DDX41: variants seen among roughly 807,000 people sequenced by gnomAD.
The protein encoded by DDX41 is probable ATP-dependent RNA helicase DDX41.
DDX41 carries 50 observed loss-of-function variants against 78.8 expected under a neutral mutation model. The observed-to-expected ratio is 0.63, with a 90% confidence interval of 0.51 to 0.80. DDX41 has a LOEUF of 0.80. Among genes scored for constraint, DDX41 ranks in the 30% least tolerant of loss-of-function variants. The pLI is 0.00. For missense variants in DDX41, 633 were observed against 849.2 expected, an observed-to-expected ratio of 0.75 and a Z score of 3.16; for synonymous variants, 381 against 321.5, an observed-to-expected ratio of 1.19 and a Z score of -1.98.
rs752570344 is a variant in DDX41 at position 177,514,784 on chromosome 5, C to T, written c.852G>A (p.Leu284=). The T allele has an allele frequency of 5.0e-6, 8 of 1,612,808 alleles. No individual in the cohort carries two copies. In the Admixed American group the frequency reaches 5.0e-5, roughly 10 times the overall value. Residue 284 remains leucine (L), a synonymous_variant, in exon 9 of 17, where the codon CTG becomes CTA. Transcript: ENST00000330503. This position sits in a 1 kb window ranked among gnomAD's most constrained non-coding sequence, Gnocchi z 4.2. ...GCAGGAGTGGTGAGCTGTCCTCCTG[C>T]AGCAGGCGGCAGTAGTACTCCAGGA... ...HGILEYYCRL[L]QEDSSPLLRC... is the part of the protein sequence containing the mutation.
chr5:177,512,127 A>G lies in DDX41; in HGVS notation c.1701T>C (p.His567=). The G allele has an allele frequency of 6.2e-7, 1 of 1,613,474 alleles. No homozygotes were observed. The highest frequency in any genetic ancestry group is 8.5e-7 in the Non-Finnish European group (1 of 1,180,020). Residue 567 remains histidine, a synonymous_variant, in exon 16 of 17, where the codon CAT becomes CAC. Transcript: ENST00000330503. ...QKVPPVLQVL[H]CGDESMLDIG... ...TGTCCAGCATGGACTCATCCCCGCA[A>G]TGCAGCACCTGCAGCACGGGCGGCA...
intron 15 of DDX41, 28 bp from the exon 16 acceptor site, chr5:177,512,234 G>A (rs1760992999): frequency 6.2e-7 from 1 of 1,613,596 alleles, no homozygotes; most frequent in Non-Finnish European, 8.5e-7. Context: ...AAGCATCAGG[G>A]CCCATCCTGG....
rs376093707 is a variant in DDX41, at chr5:177,515,002, G to A, written c.712C>T (p.Pro238Ser). The part of the protein sequence containing the change: ...GSGKTLVFTL[P>S]VIMFCLEQEK... The stretch of plus-strand genomic sequence containing the variant: ...TGTTCCAGGCAGAACATGATGACGG[G>A]CAACGTGAACACCAGTGTCTTGCCT... Residue 238 changes from proline (P) to serine (S), a missense_variant, in exon 8 of 17, where the codon CCC becomes TCC. By Grantham distance (74) the Pro-to-Ser change is moderately conservative. Coordinates refer to ENST00000330503, the MANE Select transcript of DDX41 (RefSeq NM_016222.4). 3.1e-6 allele frequency: 5 copies of A among 1,613,732 alleles called. No individual in the cohort carries two copies. The African/African-American group carries it at 4.0e-5, about 13-fold the overall frequency.
chr5:177,515,514 T>C (rs1761184880), intron 6 of DDX41, 171 bp downstream of exon 6: 5 of 943,466 alleles, frequency 5.3e-6, no homozygotes, highest in African/African-American at 3.3e-5. Flanking sequence ...CAGAGAACAA[T>C]GAACACGTAC....
chr5:177,514,594 A>G lies in DDX41; in HGVS notation c.935+107T>C, dbSNP rs1761134020. 8 of 1,452,104 alleles carry G rather than the reference A, an allele frequency of 5.5e-6. No homozygotes were observed. The East Asian group carries it at 1.8e-4, about 33-fold the overall frequency. 90.0% of individuals were successfully genotyped at this position (1,452,104 alleles called of 1,614,324 possible). On this transcript the variant is annotated intron_variant, in intron 9 of 16. Transcript: ENST00000330503. This position sits in a 1 kb window ranked among gnomAD's most constrained non-coding sequence, Gnocchi z 4.2. ...GGAGCTCCTTGAGGGTCGCACTCAC[A>G]GCAGCCCTCTGTGAAGATCTGTGGA...
In DDX41 at chr5:177,516,391, G is replaced by A; in HGVS notation, c.195C>T (p.Asp65=). 1 of 1,613,938 alleles carries A rather than the reference G, an allele frequency of 6.2e-7. No homozygotes were observed. Among genetic ancestry groups the A allele is most frequent in the Non-Finnish European group, 8.5e-7 (1 of 1,180,016 alleles). ...CATCTCCCCGGGGTTCACTACCGCT[G>A]TCCTGCTGCTCTTCCTCCGCAGCTC... ...RKGAAEEEQQ[D]SGSEPRGDED... Residue 65 remains aspartate (D), a synonymous_variant, in exon 3 of 17, where the codon GAC becomes GAT. Transcript: ENST00000330503.
rs761167470 is a variant in DDX41 at position 177,514,653 on chromosome 5, C to T, written c.935+48G>A. The stretch of plus-strand genomic sequence containing the variant: ...GGTAAAGGGTCCTTTAGCTTTTCCA[C>T]AGACTCGCAGGTGGCAGAGGTGGGG... On this transcript the variant is annotated intron_variant, in intron 9 of 16. Coordinates refer to ENST00000330503, the MANE Select transcript of DDX41 (RefSeq NM_016222.4). This position sits in a 1 kb window ranked among gnomAD's most constrained non-coding sequence, Gnocchi z 4.2. The T allele has an allele frequency of 5.7e-6, 9 of 1,577,910 alleles. No homozygotes were observed. The highest frequency in any genetic ancestry group is 5.7e-5 in the South Asian group (5 of 87,710).
In DDX41 at chr5:177,512,397, C is replaced by A; in HGVS notation, c.1550-4G>T. Reference sequence around the variant, plus strand: ...CCGGTGCGGCCAATCCGGTGTACTGCAGAGAGAAGGACAGAGTCTCTGGCC... The same window carrying A: ...CCGGTGCGGCCAATCCGGTGTACTGAAGAGAGAAGGACAGAGTCTCTGGCC... On this transcript the variant is annotated splice_polypyrimidine_tract_variant and splice_region_variant and intron_variant, in intron 14 of 16. Coordinates refer to ENST00000330503, the MANE Select transcript of DDX41 (RefSeq NM_016222.4). 6.2e-7 allele frequency: 1 copy of A among 1,614,072 alleles called. No individual in the cohort carries two copies. The highest frequency in any genetic ancestry group is 1.6e-4 in the Middle Eastern group (1 of 6,062).
chr5:177,511,969 G>A, intron 16 of DDX41, 42 bp from the exon 17 acceptor site: 6 of 1,610,512 alleles, frequency 3.7e-6, no homozygotes, highest in Non-Finnish European at 2.5e-6. Context: ...CAAGGACCAG[G>A]ATCCATGCCC....
Position 177,513,916 on chromosome 5 carries a change from C to G in DDX41, c.936-69G>C. On this transcript the variant is annotated intron_variant, in intron 9 of 16. Transcript: ENST00000330503. The surrounding 1 kb of genome is among the most constrained non-coding windows in gnomAD (Gnocchi z 4.6). ...TCACCTATCTAGAGGCAAGCAGGCA[C>G]CCTGCATCTGCTCTGCTCTCTGTCC... The G allele has an allele frequency of 4.0e-6, 6 of 1,483,430 alleles. No individual in the cohort carries two copies. Among genetic ancestry groups the G allele is most frequent in the Non-Finnish European group, 5.6e-6 (6 of 1,068,766 alleles). The allele number at this position is 1,483,430 out of a possible 1,614,324, so 91.9% of individuals were successfully genotyped here.
rs749411864 is a variant in DDX41, at chr5:177,515,952, C to T, written c.411G>A (p.Thr137=). The change falls in exon 5 of 17, where the codon ACG becomes ACA. Residue 137 remains threonine (T), a synonymous_variant. Coordinates refer to ENST00000330503, the MANE Select transcript of DDX41 (RefSeq NM_016222.4). ...ACCTGGTTTTGATGGGGTCATCATA[C>T]GTAATGCCCTTAGCCATCTCCTTCA... ...MSVKEMAKGI[T]YDDPIKTSWT... is the part of the protein sequence containing the mutation. 4.3e-6 allele frequency: 7 copies of T among 1,614,180 alleles called. No homozygotes were observed. Among genetic ancestry groups the T allele is most frequent in the East Asian group, 2.2e-5 (1 of 44,892 alleles).
chr5:177,513,859 G>C lies in DDX41; in HGVS notation c.936-12C>G. 1 of 1,613,130 alleles carries C rather than the reference G, an allele frequency of 6.2e-7. No homozygotes were observed. Among genetic ancestry groups the C allele is most frequent in the Non-Finnish European group, 8.5e-7 (1 of 1,179,696 alleles). ...TCATGTGTACACCGCTGGGGACCAAGGAGAGACCCTGAGGTTGGGGCCACT... is the reference window on the plus strand; with the variant it reads ...TCATGTGTACACCGCTGGGGACCAACGAGAGACCCTGAGGTTGGGGCCACT... On this transcript the variant is annotated splice_polypyrimidine_tract_variant and intron_variant, in intron 9 of 16. Coordinates refer to ENST00000330503, the MANE Select transcript of DDX41 (RefSeq NM_016222.4). The surrounding 1 kb of genome is among the most constrained non-coding windows in gnomAD (Gnocchi z 4.6).
Position 177,516,415 on chromosome 5 carries a change from T to A in DDX41, c.171A>T (p.Gly57=). ...LQKLLQRRRK[G]AAEEEQQDSG... ...TGTCCTGCTGCTCTTCCTCCGCAGCTCCCTTGCGTCTTCGCTGCAGCAGCT... is the reference window on the plus strand; with the variant it reads ...TGTCCTGCTGCTCTTCCTCCGCAGCACCCTTGCGTCTTCGCTGCAGCAGCT... Residue 57 remains glycine (G), a synonymous_variant, in exon 3 of 17, where the codon GGA becomes GGT. Transcript: ENST00000330503. 6.2e-7 allele frequency: 1 copy of A among 1,613,830 alleles called. No homozygotes were observed. Among genetic ancestry groups the A allele is most frequent in the Non-Finnish European group, 8.5e-7 (1 of 1,180,014 alleles).
chr5:177,511,930 G>A lies in DDX41; in HGVS notation c.1733-3C>T, dbSNP rs750355279. 2.7e-5 allele frequency: 43 copies of A among 1,613,530 alleles called. No homozygotes were observed. The highest frequency in any genetic ancestry group is 2.5e-4 in the Admixed American group (15 of 60,002). ...GCAGAAGGCACAGCCGCGCTCTCCT[G>A]GGGGAATGGGGACAGGGGTCAGCCA... On this transcript the variant is annotated splice_polypyrimidine_tract_variant and splice_region_variant and intron_variant, in intron 16 of 16. Transcript: ENST00000330503.
At chr5:177,515,853 C>A in intron 5 of DDX41, 32 bp from the exon 6 acceptor site, 1 of 1,614,116 alleles carries the variant, frequency 6.2e-7, no homozygotes, top group Non-Finnish European at 8.5e-7. Flanking sequence ...CAAGAGAGCC[C>A]TGGGAATAGC....
rs374359854 is a variant in DDX41 at position 177,512,211 on chromosome 5, G to C, written c.1622-5C>G. The C allele has an allele frequency of 2.8e-4, 456 of 1,613,778 alleles. 2 individuals carry two copies. The highest frequency in any genetic ancestry group is 1.7e-4 in the Middle Eastern group (1 of 6,060). On this transcript the variant is annotated splice_polypyrimidine_tract_variant and splice_region_variant and intron_variant, in intron 15 of 16. Coordinates refer to ENST00000330503, the MANE Select transcript of DDX41 (RefSeq NM_016222.4). ...GGTCCATCAGCACTGACTCATCTGG[G>C]GGAGGAGTGGGGAAGCATCAGGGCC...
chr5:177,515,580 T>C, intron 6 of DDX41, 105 bp downstream of exon 6: 1 of 1,398,486 alleles, frequency 7.2e-7, no homozygotes, highest in Admixed American at 1.9e-5. Flanking sequence ...CCAGCCCCAG[T>C]GACTGGATCC....
Position 177,516,168 on chromosome 5 carries a change from CT to C in DDX41, c.323del (p.Lys108SerfsTer3), listed in dbSNP as rs1554111653. ...AEARKESAKE[K>X]QLKEEEKILE... ...GGATCTTCTCTTCTTCCTTCAGCTGCTTCTCCTTGGCAGACTCTTTGCGCGC... is the reference window on the plus strand; with the variant it reads ...GGATCTTCTCTTCTTCCTTCAGCTGCTCTCCTTGGCAGACTCTTTGCGCGC... On this transcript the variant is annotated frameshift_variant, in exon 4 of 17. Transcript: ENST00000330503. LOFTEE classifies it high-confidence loss of function. 8.7e-6 allele frequency: 14 copies of C among 1,614,086 alleles called. No homozygotes were observed. Among genetic ancestry groups the C allele is most frequent in the Non-Finnish European group, 1.2e-5 (14 of 1,180,050 alleles).
Position 177,512,493 on chromosome 5 carries a change from T to C in DDX41, c.1549+3A>G, listed in dbSNP as rs761298774. ...CCCATGCCCTTGGGCCCCAGGCTCT[T>C]ACCATAGTTCTCAATCTCCTCTGGC... On this transcript the variant is annotated splice_donor_region_variant and intron_variant, in intron 14 of 16. Coordinates refer to ENST00000330503, the MANE Select transcript of DDX41 (RefSeq NM_016222.4). 2.9e-5 allele frequency: 46 copies of C among 1,614,002 alleles called. No homozygotes were observed. The highest frequency in any genetic ancestry group is 3.8e-5 in the Non-Finnish European group (45 of 1,180,026).
Sources: gnomAD v4.1 joint callset for allele counts on GRCh38, gnomAD v4.1.1 for gene constraint, Gnocchi (gnomAD v3.1) non-coding constraint, MANE v1.5 for transcripts, NCBI Gene and HGNC (gene_info 2026-07-23, HGNC 2026-07-21) for gene names.